TRIM24: variants seen among roughly 807,000 people sequenced by gnomAD.
TRIM24 encodes tripartite motif containing 24, also known as transcription intermediary factor 1-alpha.
In TRIM24, 29 loss-of-function variants were observed where a neutral mutation model predicts 123.9. That is an observed-to-expected ratio of 0.23 (90% CI 0.17 to 0.32). TRIM24 has a LOEUF of 0.32. Among genes scored for constraint, TRIM24 ranks in the 10% least tolerant of loss-of-function variants. The pLI is 1.00. For synonymous variants in TRIM24, 456 were observed against 461.1 expected (o/e 0.99, Z 0.14); for missense variants, 932 against 1,295.3 (o/e 0.72, Z 4.31).
At chr7:138,565,327 A>G (rs1333291089) in intron 9 of TRIM24, among the ~76,000 whole-genome samples, 4 of 152,258 alleles carry the variant, frequency 2.6e-5, no homozygotes, top group African/African-American at 9.6e-5. Context: ...ACACCCCGGG[A>G]GGTGATCAGG....
intron 11 of TRIM24, among the ~76,000 whole-genome samples, chr7:138,572,612 C>T (rs982605380): frequency 1.3e-5 from 2 of 152,060 alleles, no homozygotes. Flanking sequence ...ATAACTAGTA[C>T]CATTCTAGGT....
At chr7:138,525,751 G>A (rs1262219274) in intron 5 of TRIM24, among the ~76,000 whole-genome samples, 4 of 152,162 alleles carry the variant, frequency 2.6e-5, no homozygotes, top group Non-Finnish European at 4.4e-5. Flanking sequence ...CCTGCCTTAT[G>A]CTGCAATTTT....
Position 138,465,920 on chromosome 7 carries a change from T to A in TRIM24, c.364+5008T>A, listed in dbSNP as rs190975883. Among the ~76,000 whole-genome samples the A allele has an allele frequency of 9.6e-4, 147 of 152,364 alleles. 1 individual carries two copies. The highest frequency in any genetic ancestry group is 3.2e-3 in the African/African-American group (131 of 41,582). On this transcript the variant is annotated intron_variant, in intron 1 of 18. Coordinates refer to ENST00000343526, the MANE Select transcript of TRIM24 (RefSeq NM_015905.3). ...TATGATAAATGTATGTTTACACTGC[T>A]TGTACTACTTTATAGACCCTCCAGC...
At chr7:138,556,142 C>T (rs139389445) in intron 9 of TRIM24, 1 of 152,152 alleles carries the variant, frequency 6.6e-6, no homozygotes, top group South Asian at 2.1e-4. Context: ...TGATATAAAA[C>T]CCTTCAATTC....
intron 1 of TRIM24, among the ~76,000 whole-genome samples, chr7:138,495,744 A>G (rs1464833063): frequency 6.6e-6 from 1 of 152,022 alleles, no homozygotes; most frequent in Non-Finnish European, 1.5e-5. Flanking sequence ...CACCATGTCC[A>G]GTCTAGTGTG....
chr7:138,509,931 G>A (rs1011994450), intron 2 of TRIM24, among the ~76,000 whole-genome samples: 2 of 152,184 alleles, frequency 1.3e-5, no homozygotes, highest in Non-Finnish European at 2.9e-5. Context: ...CTTGGCTGGT[G>A]ATGGGGTCTG....
intron 5 of TRIM24, among the ~76,000 whole-genome samples, chr7:138,527,823 GATTT>G (rs1274372811): frequency 6.6e-6 from 1 of 152,152 alleles, no homozygotes; most frequent in Non-Finnish European, 1.5e-5. Context: ...GAAACAGGAG[GATTT>G]TATTGAGTGC....
At chr7:138,531,086 C>CT (rs1796722074) in intron 6 of TRIM24, among the ~76,000 whole-genome samples, 1 of 151,956 alleles carries the variant, frequency 6.6e-6, no homozygotes, top group African/African-American at 2.4e-5. Flanking sequence ...GACTGAGAAG[C>CT]TGGGACTACA....
intron 1 of TRIM24, among the ~76,000 whole-genome samples, chr7:138,477,908 A>G (rs1795439338): frequency 6.6e-6 from 1 of 152,212 alleles, no homozygotes; most frequent in Admixed American, 6.5e-5. Context: ...ATATTTGAAC[A>G]TATTGAAAAG....
chr7:138,466,462 G>GTTTTTTTTTTT (rs1563020272), intron 1 of TRIM24, among the ~76,000 whole-genome samples: 4 of 32,666 alleles, frequency 1.2e-4, no homozygotes, highest in South Asian at 7.0e-4. Flanking sequence ...AACTTAAGTT[G>GTTTTTTTTTTT]CTTTTTTTTT....
At chr7:138,524,159 A>AAAC (rs1256448014) in intron 4 of TRIM24, among the ~76,000 whole-genome samples, 5 of 152,244 alleles carry the variant, frequency 3.3e-5, no homozygotes, top group East Asian at 1.9e-4. Context: ...CAGTAGAAAC[A>AAAC]TTCCATAAAA....
intron 13 of TRIM24, 52 bp from the exon 14 acceptor site, chr7:138,577,368 G>A (rs1797782096): frequency 7.2e-7 from 1 of 1,380,784 alleles, no homozygotes; most frequent in Middle Eastern, 2.0e-4. Flanking sequence ...TTTTTATGAG[G>A]TATTTAGCTT....
Position 138,537,015 on chromosome 7 carries a change from A to C in TRIM24, c.997-1642A>C, listed in dbSNP as rs754135415. On this transcript the variant is annotated intron_variant, in intron 6 of 18. Transcript: ENST00000343526. ...CCGTGGGTATGGGACACTCCGAGAC[A>C]GACGTGGGTTATAATCTCCTGGTGT... 2.3e-4 allele frequency among the ~76,000 whole-genome samples: 35 copies of C among 152,324 alleles called. 1 individual carries two copies. Among genetic ancestry groups the C allele is most frequent in the Non-Finnish European group, 5.1e-4 (35 of 68,026 alleles).
chr7:138,510,637 G>T (rs1796267463), intron 2 of TRIM24, among the ~76,000 whole-genome samples: 1 of 152,098 alleles, frequency 6.6e-6, no homozygotes, highest in South Asian at 2.1e-4. Flanking sequence ...GCCCAGGCTG[G>T]TCTCGAACTC....
At position 138,538,765 on chromosome 7, in the gene TRIM24, A is replaced by G. The variant is rs931154780; in HGVS notation, c.1105A>G (p.Ser369Gly). The G allele has an allele frequency of 6.8e-6, 11 of 1,611,396 alleles. No individual in the cohort carries two copies. The highest frequency in any genetic ancestry group is 9.3e-6 in the Non-Finnish European group (11 of 1,178,470). Residue 369 changes from serine to glycine, a missense_variant, in exon 7 of 19, where the codon AGT becomes GGT. Physicochemically the swap from Ser to Gly is moderately conservative, Grantham distance 56. Around this residue, in one of 7 missense-constraint regions of TRIM24, gnomAD observed 527 missense variants for 691.3 expected, o/e 0.76. Coordinates refer to ENST00000343526, the MANE Select transcript of TRIM24 (RefSeq NM_015905.3). Reference sequence around the variant, plus strand: ...GCATTTTTCTAAATGGGCAGTTTCCAGTGGCAGCAGTACAGCATTACTTTA... The same window carrying G: ...GCATTTTTCTAAATGGGCAGTTTCCGGTGGCAGCAGTACAGCATTACTTTA... ...VMHFSKWAVSSGSSTALLYSK... is the reference protein window; with the variant it reads ...VMHFSKWAVSGGSSTALLYSK...
At chr7:138,553,832 A>G (rs1197380820) in intron 8 of TRIM24, among the ~76,000 whole-genome samples, 1 of 152,094 alleles carries the variant, frequency 6.6e-6, no homozygotes, top group African/African-American at 2.4e-5. Flanking sequence ...GTTGTGCCAG[A>G]CCTCTGTTGA....
At chr7:138,574,403 T>A (rs945632221) in intron 12 of TRIM24, among the ~76,000 whole-genome samples, 7 of 152,218 alleles carry the variant, frequency 4.6e-5, no homozygotes, top group African/African-American at 1.4e-4. Context: ...ACAATTTAAA[T>A]GGGGATGCCC....
In TRIM24 at chr7:138,460,845, C is replaced by A; in HGVS notation, c.297C>A (p.Ala99=). The change falls in exon 1 of 19, where the codon GCC becomes GCA. Residue 99 remains alanine, a synonymous_variant. Transcript: ENST00000343526. The part of the protein sequence containing the change: ...LMLPAPMLGS[A]ETPPPVPAPG... ...TGCCCGCGCCCATGCTGGGCTCGGC[C>A]GAGACCCCGCCACCCGTCCCTGCCC... is the stretch of plus-strand genomic sequence containing the variant. 1 of 1,565,760 alleles carries A rather than the reference C, an allele frequency of 6.4e-7. No homozygotes were observed. The highest frequency in any genetic ancestry group is 8.6e-7 in the Non-Finnish European group (1 of 1,163,760).
intron 12 of TRIM24, among the ~76,000 whole-genome samples, chr7:138,575,542 A>C (rs911475548): frequency 3.3e-5 from 5 of 151,162 alleles, no homozygotes; most frequent in African/African-American, 1.2e-4. Flanking sequence ...CAGAGTTTAC[A>C]AACCAATGAA....
Sources: allele counts gnomAD v4.1 joint callset (sites outside exome capture counted in the v4.1 genomes callset), GRCh38; gene constraint gnomAD v4.1.1; regional missense constraint gnomAD v4.1.1; transcripts MANE v1.5; gene names NCBI Gene and HGNC (gene_info 2026-07-23, HGNC 2026-07-21).